RMDN2: variants seen among roughly 807,000 people sequenced by gnomAD.
The protein encoded by RMDN2 is regulator of microtubule dynamics protein 2.
A neutral mutation model predicts 52.8 loss-of-function variants in RMDN2; 61 were observed. The observed-to-expected ratio is 1.16, with a 90% CI of 0.94 to 1.43. The LOEUF is 1.43. Among genes scored for constraint, RMDN2 ranks in the 40% most tolerant of loss-of-function variants. RMDN2 has a pLI of 0.00. For missense variants in RMDN2, 592 were observed against 475.3 expected (o/e 1.25, Z -2.28); for synonymous variants, 180 against 153.1 (o/e 1.18, Z -1.30).
intron 10 of RMDN2, among the ~76,000 whole-genome samples, chr2:38,062,928 C>G (rs1376223375): frequency 6.6e-6 from 1 of 152,110 alleles, no homozygotes; most frequent in Non-Finnish European, 1.5e-5. Context: ...TCATCCATGT[C>G]CCTACAAAGG....
downstream of RMDN2, among the ~76,000 whole-genome samples, chr2:38,022,076 G>A (rs1023228098): frequency 6.6e-6 from 1 of 152,192 alleles, no homozygotes; most frequent in Non-Finnish European, 1.5e-5. Flanking sequence ...AGTGGAAAGA[G>A]TTGGTACTTA....
intron 2 of RMDN2, among the ~76,000 whole-genome samples, chr2:37,959,589 C>A (rs150393142): frequency 6.6e-6 from 1 of 150,684 alleles, no homozygotes; most frequent in South Asian, 2.1e-4. Context: ...TTGATCTTTT[C>A]AAAAAACCAG....
intron 2 of RMDN2, among the ~76,000 whole-genome samples, chr2:37,972,294 C>A (rs988136898): frequency 2.0e-5 from 3 of 152,046 alleles, no homozygotes; most frequent in East Asian, 3.9e-4. Flanking sequence ...AAGAAGATTA[C>A]ATTTGAACAA....
intron 8 of RMDN2, among the ~76,000 whole-genome samples, chr2:38,002,168 C>T (rs1676408505): frequency 6.6e-6 from 1 of 152,058 alleles, no homozygotes; most frequent in Admixed American, 6.5e-5. Context: ...GGTGTTGGAC[C>T]ACTTCTTAGC....
intron 8 of RMDN2, among the ~76,000 whole-genome samples, chr2:38,002,097 C>A (rs1676398747): frequency 1.3e-5 from 2 of 152,158 alleles, no homozygotes; most frequent in Admixed American, 6.5e-5. Context: ...TCTTCTAGAA[C>A]CCTTCTCTTT....
chr2:38,056,779 T>C (rs564626304), intron 10 of RMDN2, among the ~76,000 whole-genome samples: 1 of 152,362 alleles, frequency 6.6e-6, no homozygotes, highest in Non-Finnish European at 1.5e-5. Context: ...GAAGAAGAAC[T>C]TAATTAAGCA....
chr2:38,054,501 C>T (rs1573245380), intron 10 of RMDN2, among the ~76,000 whole-genome samples: 1 of 152,296 alleles, frequency 6.6e-6, no homozygotes, highest in Admixed American at 6.5e-5. Flanking sequence ...GGATATAGTT[C>T]ACTTAAAAAA....
chr2:37,981,438 A>T, intron 5 of RMDN2, 95 bp downstream of exon 5: 1 of 783,930 alleles, frequency 1.3e-6, no homozygotes, highest in Non-Finnish European at 2.2e-6. Flanking sequence ...CATACGTTTA[A>T]TCTGTCAGTC....
chr2:38,022,758 A>T (rs1161113252), intron 10 of RMDN2, among the ~76,000 whole-genome samples: 1 of 152,228 alleles, frequency 6.6e-6, no homozygotes, highest in Non-Finnish European at 1.5e-5. Flanking sequence ...AAGTTATCAA[A>T]AGGCTTTTCA....
intron 2 of RMDN2, among the ~76,000 whole-genome samples, chr2:37,962,580 G>A (rs922713375): frequency 4.6e-5 from 7 of 152,172 alleles, no homozygotes; most frequent in Admixed American, 3.9e-4. Context: ...TCAGACTGCT[G>A]TGCTGGCAGC....
chr2:37,979,267 G>C lies in RMDN2; in HGVS notation c.731-2016G>C, dbSNP rs147056849. Among the ~76,000 whole-genome samples, 494 of 152,142 alleles carry C rather than the reference G, an allele frequency of 3.2e-3. 2 individuals carry two copies. The highest frequency in any genetic ancestry group is 0.011 in the African/African-American group (437 of 41,522). On this transcript the variant is annotated intron_variant, in intron 4 of 10. Coordinates refer to ENST00000354545, the MANE Select transcript of RMDN2 (RefSeq NM_001170791.3). ...GGGAGAGAAGGAGAGGCATAAATAA[G>C]ATGAAGGCTGCACAACACTACGGAA...
chr2:37,923,993 G>A (rs181767370), upstream of RMDN2, among the ~76,000 whole-genome samples: 15 of 152,264 alleles, frequency 9.9e-5, no homozygotes, highest in East Asian at 2.7e-3. Flanking sequence ...CAAGTGATCC[G>A]TCCGCCTCAG....
In RMDN2 at chr2:37,975,264, T is replaced by C; in HGVS notation, c.680T>C (p.Met227Thr). 6.2e-7 allele frequency: 1 copy of C among 1,610,994 alleles called. No homozygotes were observed. The highest frequency in any genetic ancestry group is 8.5e-7 in the Non-Finnish European group (1 of 1,177,276). Residue 227 changes from methionine (M) to threonine (T), a missense_variant, in exon 4 of 11, where the codon ATG becomes ACG. Met to Thr is a moderately conservative substitution (Grantham distance 81). Transcript: ENST00000354545. ...MWRFARAYGD[M>T]YELSTNTQEK... ...CGATTTGCTCGTGCTTATGGAGACA[T>C]GTATGAACTATCTACAAACACACAA...
chr2:38,052,106 A>G (rs1350002801), intron 10 of RMDN2, among the ~76,000 whole-genome samples: 1 of 152,220 alleles, frequency 6.6e-6, no homozygotes, highest in Non-Finnish European at 1.5e-5. Flanking sequence ...TGTTTTCCAT[A>G]ATGGCTGTAC....
At chr2:37,924,932 G>A (rs1195373379), upstream of RMDN2, among the ~76,000 whole-genome samples, 2 of 152,242 alleles carry the variant, frequency 1.3e-5, no homozygotes, top group African/African-American at 4.8e-5. Context: ...GCAAGGTTGT[G>A]CCTAGAAAGG....
intron 2 of RMDN2, among the ~76,000 whole-genome samples, chr2:37,930,822 T>TAGCA (rs1226803327): frequency 2.0e-5 from 3 of 152,122 alleles, no homozygotes; most frequent in Admixed American, 6.5e-5. Context: ...GAGGAGGTGC[T>TAGCA]AGCAGAGTGA....
At chr2:38,022,290 C>T (rs1679443205), downstream of RMDN2, among the ~76,000 whole-genome samples, 1 of 152,178 alleles carries the variant, frequency 6.6e-6, no homozygotes, top group South Asian at 2.1e-4. Flanking sequence ...ATATGTAGAA[C>T]ATTATGCCTA....
At chr2:37,956,871 G>T (rs562813005) in intron 2 of RMDN2, among the ~76,000 whole-genome samples, 2 of 150,764 alleles carry the variant, frequency 1.3e-5, no homozygotes, top group Non-Finnish European at 3.0e-5. Flanking sequence ...TGTTCTCATT[G>T]TTCAACTCCC....
chr2:38,035,601 G>C (rs977820498), intron 10 of RMDN2, among the ~76,000 whole-genome samples: 6 of 152,020 alleles, frequency 3.9e-5, no homozygotes, highest in Non-Finnish European at 8.8e-5. Flanking sequence ...AGAATATAAA[G>C]TCCATAAATA....
Sources: allele counts gnomAD v4.1 joint callset (sites outside exome capture counted in the v4.1 genomes callset), GRCh38; gene constraint gnomAD v4.1.1; transcripts MANE v1.5; gene names NCBI Gene and HGNC (gene_info 2026-07-23, HGNC 2026-07-21).